The following ADCY7 variants were observed in gnomAD, a reference collection of about 807,000 sequenced individuals.
ADCY7 encodes adenylate cyclase type 7.
Under a neutral mutation model 120.6 loss-of-function variants are expected in ADCY7, and 72 were observed. The observed-to-expected ratio is 0.60, with a 90% CI of 0.49 to 0.73. ADCY7 has a LOEUF of 0.73. Among genes scored for constraint, ADCY7 ranks in the 30% least tolerant of loss-of-function variants. The pLI is 0.00. For missense variants in ADCY7, 1,227 were observed against 1,486.0 expected (o/e 0.83, Z 2.87); for synonymous variants, 661 against 628.0 (o/e 1.05, Z -0.78).
chr16:50,308,449 C>T, intron 16 of ADCY7, 38 bp downstream of exon 16: 3 of 1,612,788 alleles, frequency 1.9e-6, no homozygotes, highest in African/African-American at 1.3e-5. Context: ...CCCTCCCTCC[C>T]TGCCTCAGGA....
chr16:50,297,677 C>T lies in ADCY7; in HGVS notation c.949-1227C>T, dbSNP rs1468872291. On this transcript the variant is annotated intron_variant, in intron 7 of 25. Transcript: ENST00000673801. The surrounding 1 kb of genome is among the most constrained non-coding windows in gnomAD (Gnocchi z 4.4). ...GCAGGGCTGGTGCTGTGTCTGGGGC[C>T]TGGGTCTGTGATGGCTGATGGGCAC... Among the ~76,000 whole-genome samples, 4 of 152,214 alleles carry T rather than the reference C, an allele frequency of 2.6e-5. No homozygotes were observed. Among genetic ancestry groups the T allele is most frequent in the African/African-American group, 9.6e-5 (4 of 41,464 alleles).
At chr16:50,245,119 G>A (rs2032541129), upstream of ADCY7, among the ~76,000 whole-genome samples, 5 of 152,358 alleles carry the variant, frequency 3.3e-5, no homozygotes, top group South Asian at 1.0e-3. Flanking sequence ...TCTAGGGTGA[G>A]CCGGGGTAGC....
chr16:50,275,594 T>C (rs1454767031), intron 1 of ADCY7, among the ~76,000 whole-genome samples: 1 of 152,212 alleles, frequency 6.6e-6, no homozygotes, highest in Non-Finnish European at 1.5e-5. Flanking sequence ...AATTTGCTAA[T>C]GTGTATGGGG....
intron 1 of ADCY7, among the ~76,000 whole-genome samples, chr16:50,247,521 C>T (rs1009671544): frequency 1.3e-5 from 2 of 150,576 alleles, no homozygotes; most frequent in Non-Finnish European, 2.9e-5. Context: ...TGCGCCACCA[C>T]GCCTGGCTAA....
intron 21 of ADCY7, 77 bp from the exon 22 acceptor site, chr16:50,312,813 C>CT: frequency 6.9e-7 from 1 of 1,440,902 alleles, no homozygotes; most frequent in Non-Finnish European, 9.4e-7. Flanking sequence ...GCAGTGCCAT[C>CT]TGCTCCTGAG....
intron 23 of ADCY7, 80 bp from the exon 24 acceptor site, chr16:50,314,212 C>T: frequency 1.4e-6 from 2 of 1,473,660 alleles, no homozygotes; most frequent in East Asian, 4.6e-5. Flanking sequence ...TGGGGATCCT[C>T]AACAAGAGTG....
intron 21 of ADCY7, among the ~76,000 whole-genome samples, 181 bp from the exon 22 acceptor site, chr16:50,312,709 C>T (rs1385946910): frequency 6.6e-6 from 1 of 152,118 alleles, no homozygotes; most frequent in African/African-American, 2.4e-5. Flanking sequence ...CCTCCCTGGC[C>T]ACCCAATTCT....
intron 1 of ADCY7, among the ~76,000 whole-genome samples, chr16:50,251,093 T>A (rs1476651457): frequency 1.3e-5 from 2 of 151,620 alleles, no homozygotes; most frequent in African/African-American, 4.8e-5. Context: ...AAAAAAAAAT[T>A]GCCAGGTGTG....
At chr16:50,311,557 G>T in intron 19 of ADCY7, 136 bp from the exon 20 acceptor site, 1 of 643,548 alleles carries the variant, frequency 1.6e-6, no homozygotes. Context: ...ATACCCCAAA[G>T]TTGTCTTGTT....
At chr16:50,286,429 C>A (rs371018486) in intron 1 of ADCY7, among the ~76,000 whole-genome samples, 112 of 112,254 alleles carry the variant, frequency 1.0e-3, no homozygotes, top group South Asian at 1.6e-3. Flanking sequence ...GACCCCATCT[C>A]AAAAAAAAAA....
chr16:50,253,759 G>A (rs2032828682), intron 1 of ADCY7, among the ~76,000 whole-genome samples: 1 of 152,178 alleles, frequency 6.6e-6, no homozygotes, highest in African/African-American at 2.4e-5. Flanking sequence ...GGCTGGCACT[G>A]GAAGCCTTTA....
upstream of ADCY7, among the ~76,000 whole-genome samples, chr16:50,262,582 C>T (rs1177669312): frequency 2.0e-5 from 3 of 152,298 alleles, no homozygotes; most frequent in South Asian, 6.2e-4. Context: ...CCTCCTCAGC[C>T]TCCCAAAGTA....
rs754721669 is a variant in ADCY7, at chr16:50,315,495, G to C, written c.3233G>C (p.Gly1078Ala). 29 of 1,611,696 alleles carry C rather than the reference G, an allele frequency of 1.8e-5. No homozygotes were observed. In the South Asian group the frequency reaches 2.9e-4, roughly 16 times the overall value. ...GACACTGCCAAGTTTCAGGGGCTGG[G>C]GCTGAACTGAGGGCTCCTGCTGGAT... Reference protein sequence around the residue: ...CTDTAKFQGLGLN With the variant: ...CTDTAKFQGLALN Residue 1078 changes from glycine (G) to alanine (A), a missense_variant, in exon 26 of 26, where the codon GGG becomes GCG. Gly to Ala is a moderately conservative substitution (Grantham distance 60). Transcript: ENST00000673801.
chr16:50,269,641 C>T (rs750518213), intron 1 of ADCY7, among the ~76,000 whole-genome samples: 4 of 152,190 alleles, frequency 2.6e-5, no homozygotes, highest in Non-Finnish European at 5.9e-5. Flanking sequence ...GCTGGGTGGC[C>T]TGACCCTCAG....
At chr16:50,313,250 C>G (rs2036583520) in intron 22 of ADCY7, 1 of 493,374 alleles carries the variant, frequency 2.0e-6, no homozygotes, top group African/African-American at 2.0e-5. Flanking sequence ...AACCCTGTCT[C>G]TACTGAAAAT....
upstream of ADCY7, among the ~76,000 whole-genome samples, chr16:50,245,302 C>T (rs557340722): frequency 6.6e-6 from 1 of 152,274 alleles, no homozygotes; most frequent in Admixed American, 6.5e-5. Context: ...CTTCTGTAAC[C>T]CCTCTCAGTG....
intron 24 of ADCY7, 84 bp from the exon 25 acceptor site, chr16:50,314,930 G>C (rs1358287603): frequency 6.4e-7 from 1 of 1,560,022 alleles, no homozygotes; most frequent in Non-Finnish European, 8.7e-7. Flanking sequence ...TCCTGTGCTG[G>C]GGTATGGATT....
chr16:50,314,209 C>A, intron 23 of ADCY7, 83 bp from the exon 24 acceptor site: 2 of 1,452,052 alleles, frequency 1.4e-6, no homozygotes, highest in Admixed American at 1.8e-5. Flanking sequence ...TGGTGGGGAT[C>A]CTCAACAAGA....
At chr16:50,311,336 G>A (rs2036444500) in intron 19 of ADCY7, among the ~76,000 whole-genome samples, 1 of 152,164 alleles carries the variant, frequency 6.6e-6, no homozygotes, top group South Asian at 2.1e-4. Flanking sequence ...ACCCAGAACA[G>A]AACCTGCTCC....
Sources: allele counts gnomAD v4.1 joint callset (sites outside exome capture counted in the v4.1 genomes callset), GRCh38; gene constraint gnomAD v4.1.1; non-coding constraint Gnocchi (gnomAD v3.1); transcripts MANE v1.5; gene names NCBI Gene and HGNC (gene_info 2026-07-23, HGNC 2026-07-21).